Variants in MAP3K7CL observed in about 807,000 individuals in gnomAD.
The protein encoded by MAP3K7CL is MAP3K7 C-terminal-like protein.
A neutral mutation model predicts 18.6 loss-of-function variants in MAP3K7CL; 16 were observed. The observed-to-expected ratio is 0.86, with a 90% CI of 0.58 to 1.31. MAP3K7CL has a LOEUF of 1.31. Among genes scored for constraint, MAP3K7CL ranks in the 50% most tolerant of loss-of-function variants. MAP3K7CL has a pLI of 0.00. For synonymous variants in MAP3K7CL, 65 were observed against 66.8 expected (o/e 0.97, Z 0.13); for missense variants, 163 against 174.4 (o/e 0.93, Z 0.37).
In MAP3K7CL at chr21:29,123,739, C is replaced by G. The variant is rs546336904; in HGVS notation, c.371-25450C>G. Among the ~76,000 whole-genome samples, 5 of 152,212 alleles carry G rather than the reference C, an allele frequency of 3.3e-5. No homozygotes were observed. In the East Asian group the frequency reaches 9.6e-4, roughly 29 times the overall value. The stretch of plus-strand genomic sequence containing the variant: ...GATGATGGGTAATGTTGGGGAATTA[C>G]TGTGGTGGTGGTTGTTGGTGTGATG... On this transcript the variant is annotated intron_variant, in intron 4 of 6. Coordinates refer to the MAP3K7CL transcript ENST00000286791.
intron 4 of MAP3K7CL, among the ~76,000 whole-genome samples, chr21:29,160,819 G>A (rs1030660455): frequency 6.6e-6 from 1 of 152,244 alleles, no homozygotes; most frequent in Non-Finnish European, 1.5e-5. Context: ...TAAAAGCACT[G>A]ATAGTCAGGT....
chr21:29,109,247 C>G, intron 4 of MAP3K7CL: 1 of 1,534,870 alleles, frequency 6.5e-7, no homozygotes, highest in African/African-American at 1.4e-5. Context: ...GAAGAAATTC[C>G]ATATATACAA....
intron 4 of MAP3K7CL, among the ~76,000 whole-genome samples, chr21:29,162,407 C>T (rs967559780): frequency 4.0e-5 from 6 of 151,042 alleles, no homozygotes; most frequent in South Asian, 4.2e-4. Flanking sequence ...AGGGGCCAGA[C>T]GCAGTGTCTC....
At chr21:29,092,307 T>C (rs879885289) in intron 3 of MAP3K7CL, 2 of 771,248 alleles carry the variant, frequency 2.6e-6, no homozygotes, top group Non-Finnish European at 1.9e-6. Flanking sequence ...ATTTAAACCA[T>C]TAACAACCCT....
At chr21:29,173,082 A>G (rs760281834) in intron 4 of MAP3K7CL, among the ~76,000 whole-genome samples, 3 of 152,206 alleles carry the variant, frequency 2.0e-5, no homozygotes, top group Non-Finnish European at 4.4e-5. Context: ...CAATGTTATT[A>G]CTACTTTAAA....
intron 2 of MAP3K7CL, among the ~76,000 whole-genome samples, chr21:29,147,266 A>G (rs1406976488): frequency 2.0e-5 from 3 of 151,972 alleles, no homozygotes; most frequent in Non-Finnish European, 2.9e-5. Context: ...TATGTGTACT[A>G]TATGTATAAG....
intron 1 of MAP3K7CL, among the ~76,000 whole-genome samples, chr21:29,132,072 A>G (rs1203627718): frequency 6.6e-6 from 1 of 152,234 alleles, no homozygotes; most frequent in Non-Finnish European, 1.5e-5. Context: ...CTACATGAGA[A>G]GGAAAGTAGA....
intron 2 of MAP3K7CL, among the ~76,000 whole-genome samples, chr21:29,141,636 A>T (rs1601231429): frequency 6.6e-6 from 1 of 152,198 alleles, no homozygotes; most frequent in African/African-American, 2.4e-5. Context: ...ACTGGTTAAG[A>T]TAACATCATG....
exon 4 of MAP3K7CL, chr21:29,092,502 G>T: frequency 1.2e-6 from 2 of 1,614,232 alleles, no homozygotes; most frequent in Non-Finnish European, 1.7e-6. Flanking sequence ...AGGTCAGCAA[G>T]TTGGCTACTG....
chr21:29,158,988 T>A (rs1234597131), intron 3 of MAP3K7CL, among the ~76,000 whole-genome samples: 2 of 147,288 alleles, frequency 1.4e-5, no homozygotes, highest in Admixed American at 1.4e-4. Context: ...TGGCATGATC[T>A]CGGCTCACTG....
intron 4 of MAP3K7CL, among the ~76,000 whole-genome samples, chr21:29,172,283 G>A (rs1007451785): frequency 1.5e-5 from 2 of 137,010 alleles, no homozygotes; most frequent in African/African-American, 5.3e-5. Context: ...ATACGGAGGA[G>A]TTCTTAACAT....
At chr21:29,087,907 A>G (rs929860371) in intron 1 of MAP3K7CL, among the ~76,000 whole-genome samples, 24 of 152,078 alleles carry the variant, frequency 1.6e-4, no homozygotes, top group Admixed American at 1.4e-3. Context: ...TCATTTTCTT[A>G]ATGATCATGC....
At chr21:29,106,091 A>G (rs756367204) in intron 4 of MAP3K7CL, among the ~76,000 whole-genome samples, 4 of 152,200 alleles carry the variant, frequency 2.6e-5, no homozygotes, top group African/African-American at 4.8e-5. Context: ...TAAGTAACCT[A>G]TATGGAATTT....
upstream of MAP3K7CL, among the ~76,000 whole-genome samples, chr21:29,125,944 T>C (rs1260800216): frequency 2.0e-5 from 3 of 152,236 alleles, no homozygotes; most frequent in Non-Finnish European, 2.9e-5. Flanking sequence ...TATTCACTGG[T>C]GTTTTCTTCA....
At chr21:29,091,650 T>A (rs1363407935) in intron 2 of MAP3K7CL, 1 of 701,544 alleles carries the variant, frequency 1.4e-6, no homozygotes, top group Non-Finnish European at 2.6e-6. Context: ...TAAGTTTTTC[T>A]TTCTTTTTTT....
At chr21:29,129,941 T>C (rs1229448440), upstream of MAP3K7CL, among the ~76,000 whole-genome samples, 1 of 152,250 alleles carries the variant, frequency 6.6e-6, no homozygotes, top group Non-Finnish European at 1.5e-5. Context: ...TTACTTGCCA[T>C]CTGTATATTT....
intron 4 of MAP3K7CL, among the ~76,000 whole-genome samples, chr21:29,104,264 C>T (rs2086281992): frequency 6.6e-6 from 1 of 151,568 alleles, no homozygotes; most frequent in Non-Finnish European, 1.5e-5. Flanking sequence ...TTTTTTTTCT[C>T]GGGGTTTTTT....
In MAP3K7CL at chr21:29,174,781, AT is replaced by A. The variant is rs1322154566; in HGVS notation, c.320del (p.Phe107SerfsTer4). On this transcript the variant is annotated frameshift_variant, in exon 5 of 5. Coordinates refer to ENST00000399928, the MANE Select transcript of MAP3K7CL (RefSeq NM_001286620.2). LOFTEE classifies it high-confidence loss of function. ...KVDAAELVRE[F>X]EALTEENRTL... ...TGGATGCTGCTGAGCTGGTTCGGGA[AT>A]TCGAGGCTCTGACGGAGGAGAATCG... 3 of 1,614,044 alleles carry A rather than the reference AT, an allele frequency of 1.9e-6. No individual in the cohort carries two copies. The highest frequency in any genetic ancestry group is 2.5e-6 in the Non-Finnish European group (3 of 1,180,028).
intron 4 of MAP3K7CL, among the ~76,000 whole-genome samples, chr21:29,167,934 C>T (rs2471928): frequency 0.37 from 56,185 of 151,574 alleles, 12,611 homozygotes; most frequent in Non-Finnish European, 0.5. Flanking sequence ...CTCCTGACCT[C>T]GTGGTCCGCC....
Sources: allele counts gnomAD v4.1 joint callset (sites outside exome capture counted in the v4.1 genomes callset), GRCh38; gene constraint gnomAD v4.1.1; transcripts MANE v1.5; gene names NCBI Gene and HGNC (gene_info 2026-07-23, HGNC 2026-07-21).